The following HS2ST1 variants were observed in gnomAD, a reference collection of about 807,000 sequenced individuals.
HS2ST1 encodes the protein 2-O-sulfotransferase.
HS2ST1 carries 18 observed loss-of-function variants against 42.9 expected under a neutral mutation model. The ratio of observed to expected loss-of-function variants is 0.42; its 90% CI spans 0.29 to 0.62. The LOEUF (loss-of-function observed/expected upper bound fraction) is 0.62. Among genes scored for constraint, HS2ST1 ranks in the 20% least tolerant of loss-of-function variants. HS2ST1 has a pLI of 0.21. For synonymous variants in HS2ST1, 146 were observed against 152.9 expected (o/e 0.95, Z 0.33); for missense variants, 334 against 433.8 (o/e 0.77, Z 2.04).
At chr1:87,065,318 A>T (rs181072534) in intron 1 of HS2ST1, among the ~76,000 whole-genome samples, 147 of 152,352 alleles carry the variant, frequency 9.6e-4, no homozygotes, top group African/African-American at 3.5e-3. Context: ...AGCCTAGCTT[A>T]TCTAGCTCTA....
chr1:86,973,042 C>T (rs1648282120), intron 1 of HS2ST1, among the ~76,000 whole-genome samples: 2 of 152,156 alleles, frequency 1.3e-5, no homozygotes, highest in African/African-American at 4.8e-5. Context: ...GTCTTCTTTA[C>T]TGGTGATAGC....
At chr1:87,100,294 A>G (rs1652169363) in intron 5 of HS2ST1, among the ~76,000 whole-genome samples, 1 of 152,100 alleles carries the variant, frequency 6.6e-6, no homozygotes, top group Non-Finnish European at 1.5e-5. Flanking sequence ...GGAAACCACC[A>G]ATGTTTACAG....
chr1:87,007,720 C>T (rs1420535221), intron 1 of HS2ST1, among the ~76,000 whole-genome samples: 1 of 152,118 alleles, frequency 6.6e-6, no homozygotes, highest in Non-Finnish European at 1.5e-5. Context: ...TGCAGTGTGA[C>T]ATAGTTTATC....
intron 1 of HS2ST1, among the ~76,000 whole-genome samples, chr1:86,946,057 A>G (rs1332671548): frequency 6.6e-6 from 1 of 152,236 alleles, no homozygotes; most frequent in Non-Finnish European, 1.5e-5. Flanking sequence ...CGAAATAAAC[A>G]TTGGGTTTTA....
At chr1:87,052,147 G>A (rs893936690) in intron 1 of HS2ST1, among the ~76,000 whole-genome samples, 5 of 152,250 alleles carry the variant, frequency 3.3e-5, no homozygotes, top group Admixed American at 6.5e-5. Flanking sequence ...CAGCTACTCC[G>A]GAAGCTGAGG....
Position 86,963,752 on chromosome 1 carries a change from C to T in HS2ST1, c.124+48592C>T, listed in dbSNP as rs916068459. Reference sequence around the variant, plus strand: ...GGCGGCCAGGCAGAGGCGCCCCCCCCCCCACCTCCCGGACGGGGCAGCTGG... The same window carrying T: ...GGCGGCCAGGCAGAGGCGCCCCCCCTCCCACCTCCCGGACGGGGCAGCTGG... On this transcript the variant is annotated intron_variant, in intron 1 of 6. Coordinates refer to ENST00000370550, the MANE Select transcript of HS2ST1 (RefSeq NM_012262.4). Among the ~76,000 whole-genome samples the T allele has an allele frequency of 4.9e-3, 725 of 149,332 alleles. 6 individuals carry two copies. The highest frequency in any genetic ancestry group is 9.4e-3 in the Non-Finnish European group (631 of 66,806).
chr1:87,102,552 C>T (rs937059108), intron 5 of HS2ST1, among the ~76,000 whole-genome samples: 1 of 152,194 alleles, frequency 6.6e-6, no homozygotes, highest in African/African-American at 2.4e-5. Flanking sequence ...CAAACCATAT[C>T]ACTATGTAGT....
intron 1 of HS2ST1, among the ~76,000 whole-genome samples, chr1:86,955,541 C>G (rs1647653502): frequency 6.6e-6 from 1 of 152,020 alleles, no homozygotes; most frequent in African/African-American, 2.4e-5. Context: ...AGTGAAATCT[C>G]AGGTCATGAA....
intron 1 of HS2ST1, among the ~76,000 whole-genome samples, chr1:87,022,131 G>GA (rs1307073177): frequency 3.9e-5 from 6 of 151,908 alleles, no homozygotes; most frequent in South Asian, 2.1e-4. Context: ...ATTTTAATTT[G>GA]AAAAAAACAG....
chr1:86,914,686 G>A lies in HS2ST1; in HGVS notation c.-351G>A, dbSNP rs1160003156. On this transcript the variant is annotated 5_prime_UTR_variant, in exon 1 of 7. Transcript: ENST00000370550. Reference sequence around the variant, plus strand: ...CGCGGCCGCGAGCAAAGGAGGGAGGGAAGGAAGGAAGAGAGGGAGGCGGGC... The same window carrying A: ...CGCGGCCGCGAGCAAAGGAGGGAGGAAAGGAAGGAAGAGAGGGAGGCGGGC... 1.1e-5 allele frequency: 3 copies of A among 266,400 alleles called. No individual in the cohort carries two copies. Among genetic ancestry groups the A allele is most frequent in the East Asian group, 2.1e-4 (2 of 9,656 alleles). 16.5% of individuals were successfully genotyped at this position (266,400 alleles called of 1,614,324 possible). A position where few individuals can be genotyped will look rare whatever the true frequency, so the allele number is the denominator to read the frequency against.
intron 1 of HS2ST1, among the ~76,000 whole-genome samples, chr1:87,007,693 C>T (rs1649479880): frequency 6.6e-6 from 1 of 152,084 alleles, no homozygotes; most frequent in African/African-American, 2.4e-5. Flanking sequence ...CTTCATGACA[C>T]TTGACTTTAC....
intron 2 of HS2ST1, among the ~76,000 whole-genome samples, chr1:87,075,409 C>T (rs1342766945): frequency 1.3e-5 from 2 of 151,994 alleles, no homozygotes; most frequent in Non-Finnish European, 1.5e-5. Context: ...TCAGGTGATC[C>T]GCCCACCTAG....
chr1:86,974,824 T>C (rs1003859572), intron 1 of HS2ST1, among the ~76,000 whole-genome samples: 1 of 152,252 alleles, frequency 6.6e-6, no homozygotes. Flanking sequence ...CATTTTGGCA[T>C]GTCTTTAGGT....
chr1:87,031,285 G>A lies in HS2ST1; in HGVS notation c.125-41649G>A, dbSNP rs561116895. Among the ~76,000 whole-genome samples, 5 of 152,262 alleles carry A rather than the reference G, an allele frequency of 3.3e-5. No homozygotes were observed. The East Asian group carries it at 5.8e-4, about 18-fold the overall frequency. ...TCCAAAATGGGATAGGCCTATATCC[G>A]TGGAAATACTGCTGCTGCAGCCCTA... On this transcript the variant is annotated intron_variant, in intron 1 of 6. Coordinates refer to ENST00000370550, the MANE Select transcript of HS2ST1 (RefSeq NM_012262.4).
At position 87,104,622 on chromosome 1, in the gene HS2ST1, C is replaced by G. The variant is rs867578348; in HGVS notation, c.997C>G (p.Arg333Gly). ...QFQFIRAHAV[R>G]EKDGDLYILA... is the part of the protein sequence containing the mutation. ...CCAATTCATCAGAGCCCATGCCGTT[C>G]GAGAAAAAGATGGAGACCTCTACAT... The change falls in exon 7 of 7, where the codon CGA (arginine) becomes GGA (glycine). Residue 333 changes from arginine (R) to glycine (G), a missense_variant. Transcript: ENST00000370550. 1.2e-6 allele frequency: 2 copies of G among 1,613,388 alleles called. No homozygotes were observed. Among genetic ancestry groups the G allele is most frequent in the African/African-American group, 2.7e-5 (2 of 74,868 alleles).
chr1:86,939,868 A>G (rs892776715), intron 1 of HS2ST1, among the ~76,000 whole-genome samples: 1 of 152,248 alleles, frequency 6.6e-6, no homozygotes, highest in African/African-American at 2.4e-5. Flanking sequence ...ACATTTGGCC[A>G]AAAGACCAAA....
intron 1 of HS2ST1, among the ~76,000 whole-genome samples, chr1:86,946,101 A>C (rs962441000): frequency 6.6e-6 from 1 of 152,198 alleles, no homozygotes; most frequent in Non-Finnish European, 1.5e-5. Context: ...GGCACCTTAA[A>C]TTTAGAAGTT....
chr1:87,046,983 C>T (rs1285139905), intron 1 of HS2ST1, among the ~76,000 whole-genome samples: 1 of 151,516 alleles, frequency 6.6e-6, no homozygotes, highest in Non-Finnish European at 1.5e-5. Context: ...GCTGGGATTA[C>T]AGGCACAAGC....
intron 1 of HS2ST1, among the ~76,000 whole-genome samples, chr1:87,016,545 A>G (rs1325648173): frequency 2.0e-5 from 3 of 152,150 alleles, no homozygotes; most frequent in African/African-American, 4.8e-5. Flanking sequence ...AAATAACACA[A>G]TCTATTTTAT....
Sources: allele counts gnomAD v4.1 joint callset (sites outside exome capture counted in the v4.1 genomes callset), GRCh38; gene constraint gnomAD v4.1.1; transcripts MANE v1.5; gene names NCBI Gene and HGNC (gene_info 2026-07-23, HGNC 2026-07-21).